LUZP1: variants seen among roughly 807,000 people sequenced by gnomAD.
The protein encoded by LUZP1 is filamin mechanobinding actin cross-linking protein.
LUZP1 carries 25 observed loss-of-function variants against 71.3 expected under a neutral mutation model. That is an observed-to-expected ratio of 0.35 (90% CI 0.26 to 0.49). The LOEUF is 0.49. LUZP1 is among the 20% of genes least tolerant of loss of function. LUZP1 has a pLI of 0.99. For synonymous variants in LUZP1, 481 were observed against 506.4 expected (o/e 0.95, Z 0.67); for missense variants, 1,142 against 1,300.8 (o/e 0.88, Z 1.88).
chr1:23,110,556 T>C (rs1358747788), intron 2 of LUZP1, among the ~76,000 whole-genome samples: 2 of 151,462 alleles, frequency 1.3e-5, no homozygotes, highest in African/African-American at 2.4e-5. Context: ...GTCCCTTTAA[T>C]CCAACTTCCA....
At chr1:23,173,343 G>GTT (rs1557704121) in intron 1 of LUZP1, among the ~76,000 whole-genome samples, 4 of 102,742 alleles carry the variant, frequency 3.9e-5, no homozygotes, top group Non-Finnish European at 8.4e-5. Flanking sequence ...TTTTGTTTTT[G>GTT]TTTTTTCTTT....
chr1:23,125,435 CTTTG>C (rs928941684), intron 2 of LUZP1, among the ~76,000 whole-genome samples: 33 of 152,078 alleles, frequency 2.2e-4, no homozygotes, highest in Admixed American at 3.9e-4. Context: ...ATCCTATTCT[CTTTG>C]TTTTTCTCTT....
At position 23,159,866 on chromosome 1, in the gene LUZP1, G is replaced by A. The variant is rs573286940; in HGVS notation, c.-226+8900C>T. Among the ~76,000 whole-genome samples the A allele has an allele frequency of 2.0e-5, 3 of 152,260 alleles. No individual in the cohort carries two copies. The South Asian group carries it at 6.2e-4, about 32-fold the overall frequency. ...CTGGGCATGGTGGCATGCGCCTGTA[G>A]TTCCAGCTACTCGGGAGGCTGAGAC... is the stretch of plus-strand genomic sequence containing the variant. On this transcript the variant is annotated intron_variant, in intron 2 of 4. Coordinates refer to ENST00000302291, the Ensembl canonical transcript of LUZP1.
chr1:23,138,997 CAAAAA>C (rs535524035), intron 2 of LUZP1, among the ~76,000 whole-genome samples: 26 of 21,574 alleles, frequency 1.2e-3, no homozygotes, highest in African/African-American at 3.9e-3. Context: ...GACTCCATCT[CAAAAA>C]AAAAAAAAAA....
chr1:23,153,931 A>C (rs1644402204), intron 2 of LUZP1, among the ~76,000 whole-genome samples: 1 of 152,014 alleles, frequency 6.6e-6, no homozygotes, highest in South Asian at 2.1e-4. Flanking sequence ...CACAACCCAA[A>C]TGCTCCTCAA....
At chr1:23,149,724 C>T (rs2124727239) in intron 2 of LUZP1, among the ~76,000 whole-genome samples, 1 of 151,866 alleles carries the variant, frequency 6.6e-6, no homozygotes, top group East Asian at 1.9e-4. Context: ...CCTATAATCC[C>T]AGCACTTTGG....
intron 2 of LUZP1, among the ~76,000 whole-genome samples, chr1:23,117,226 T>C (rs1040496266): frequency 1.3e-5 from 2 of 152,208 alleles, no homozygotes; most frequent in African/African-American, 4.8e-5. Context: ...AGTCAGATTA[T>C]CTGGGTTCTA....
intron 2 of LUZP1, among the ~76,000 whole-genome samples, chr1:23,131,088 G>A (rs1047435350): frequency 5.3e-5 from 8 of 151,536 alleles, no homozygotes; most frequent in Admixed American, 1.3e-4. Context: ...GCGTGGTGGC[G>A]GGCACCTGTA....
At chr1:23,089,223 T>C (rs1307323392) in intron 4 of LUZP1, among the ~76,000 whole-genome samples, 170 bp from the exon 4 acceptor site, 1 of 152,090 alleles carries the variant, frequency 6.6e-6, no homozygotes, top group African/African-American at 2.4e-5. Context: ...TGGGCCAATA[T>C]GTAAATTCCT....
At chr1:23,120,687 T>C (rs1396780141) in intron 2 of LUZP1, among the ~76,000 whole-genome samples, 3 of 152,144 alleles carry the variant, frequency 2.0e-5, no homozygotes, top group Non-Finnish European at 4.4e-5. Flanking sequence ...CATTATTTCA[T>C]AGTTCAAAGC....
At chr1:23,160,412 A>C (rs1316730652) in intron 2 of LUZP1, among the ~76,000 whole-genome samples, 1 of 152,214 alleles carries the variant, frequency 6.6e-6, no homozygotes, top group Non-Finnish European at 1.5e-5. Context: ...AGCACTGATA[A>C]AGCATTTTTT....
At chr1:23,169,848 AG>A (rs1292481270) in intron 1 of LUZP1, among the ~76,000 whole-genome samples, 1 of 152,152 alleles carries the variant, frequency 6.6e-6, no homozygotes, top group Non-Finnish European at 1.5e-5. Context: ...AGATGGGCTG[AG>A]GGCTGCTTCC....
chr1:23,141,954 C>T (rs1644306596), intron 2 of LUZP1, among the ~76,000 whole-genome samples: 1 of 152,020 alleles, frequency 6.6e-6, no homozygotes, highest in African/African-American at 2.4e-5. Flanking sequence ...AAGCAATTCT[C>T]CTGCCTCAGC....
intron 2 of LUZP1, among the ~76,000 whole-genome samples, chr1:23,129,425 T>C (rs1473497449): frequency 6.6e-6 from 1 of 152,034 alleles, no homozygotes; most frequent in Non-Finnish European, 1.5e-5. Flanking sequence ...CTACTAAAAA[T>C]ACAAAATTAC....
intron 2 of LUZP1, among the ~76,000 whole-genome samples, chr1:23,123,297 G>C (rs927343560): frequency 6.6e-6 from 1 of 152,042 alleles, no homozygotes; most frequent in Non-Finnish European, 1.5e-5. Flanking sequence ...TTCGAGATCA[G>C]CCTGACCAAC....
At chr1:23,156,825 A>G (rs974233263) in intron 2 of LUZP1, among the ~76,000 whole-genome samples, 1 of 152,192 alleles carries the variant, frequency 6.6e-6, no homozygotes, top group Non-Finnish European at 1.5e-5. Flanking sequence ...ACAAAATGCT[A>G]GTCTCCACCT....
chr1:23,117,442 C>CTT (rs1289059904), intron 2 of LUZP1, among the ~76,000 whole-genome samples: 2 of 69,112 alleles, frequency 2.9e-5, no homozygotes, highest in Admixed American at 2.3e-4. Flanking sequence ...TGTACACATT[C>CTT]TTTTTTTTTT....
At chr1:23,142,694 T>TAC (rs1449736015) in intron 2 of LUZP1, among the ~76,000 whole-genome samples, 1 of 85,740 alleles carries the variant, frequency 1.2e-5, no homozygotes, top group African/African-American at 6.0e-5. Context: ...AAAATATATA[T>TAC]ATATATACAC....
chr1:23,129,742 A>G (rs1644199491), intron 2 of LUZP1, among the ~76,000 whole-genome samples: 2 of 152,036 alleles, frequency 1.3e-5, no homozygotes, highest in African/African-American at 4.8e-5. Flanking sequence ...ATCCCATCAA[A>G]TTTTCCTAAG....
Sources: allele counts gnomAD v4.1 joint callset (sites outside exome capture counted in the v4.1 genomes callset), GRCh38; gene constraint gnomAD v4.1.1; transcripts MANE v1.5; gene names NCBI Gene and HGNC (gene_info 2026-07-23, HGNC 2026-07-21).